Variants in NKD2 observed in about 807,000 individuals in gnomAD.
The protein encoded by NKD2 is NKD inhibitor of Wnt signaling pathway 2, also known as protein naked cuticle homolog 2.
In NKD2, 43 loss-of-function variants were observed where a neutral mutation model predicts 34.8. The ratio of observed to expected loss-of-function variants is 1.24; its 90% CI spans 0.97 to 1.60. The LOEUF (loss-of-function observed/expected upper bound fraction) is 1.60, where lower values mean the gene tolerates loss of function less well. NKD2 is among the 40% of genes most tolerant of loss of function. The probability of loss-of-function intolerance (pLI) is 0.00; values close to 1 mark genes in which losing one functional copy is unlikely to be tolerated. For missense variants in NKD2, 675 were observed against 627.1 expected, an observed-to-expected ratio of 1.08 and a Z score of -0.82; for synonymous variants, 278 against 265.1, an observed-to-expected ratio of 1.05 and a Z score of -0.47.
intron 3 of NKD2, among the ~76,000 whole-genome samples, chr5:1,028,721 G>A (rs1354851993): frequency 6.6e-6 from 1 of 152,110 alleles, no homozygotes; most frequent in African/African-American, 2.4e-5. Context: ...GGACAGGAAG[G>A]GGGGCGGAAC....
At chr5:1,037,694 C>T (rs775867674) in intron 9 of NKD2, 111 bp from the exon 10 acceptor site, 2 of 1,540,120 alleles carry the variant, frequency 1.3e-6, no homozygotes, top group Non-Finnish European at 1.7e-6. Context: ...ACAGACTGGC[C>T]TCAGGTGGGA....
Position 1,036,437 on chromosome 5 carries a change from G to A in NKD2, c.787+53G>A, listed in dbSNP as rs937689875. The A allele has an allele frequency of 1.7e-5, 26 of 1,526,912 alleles. No individual in the cohort carries two copies. In the African/African-American group the frequency reaches 2.5e-4, roughly 14 times the overall value. The allele number at this position is 1,526,912 out of a possible 1,614,324, so 94.6% of individuals were successfully genotyped here. A position where few individuals can be genotyped will look rare whatever the true frequency, so the allele number is the denominator to read the frequency against. On this transcript the variant is annotated intron_variant, in intron 9 of 9. Transcript: ENST00000296849. ...GAGGCCCTGGCTGTGGGTGCCCATC[G>A]AAGGTCTTGATTCCCACAGCCCTGA...
chr5:1,030,019 G>GGC (rs1016165891), intron 3 of NKD2, among the ~76,000 whole-genome samples: 3 of 150,598 alleles, frequency 2.0e-5, no homozygotes, highest in African/African-American at 7.4e-5. Context: ...GTGGTGCGGG[G>GGC]GGGGGGGTAC....
intron 7 of NKD2, 91 bp from the exon 8 acceptor site, chr5:1,035,298 A>ATGAGTGAGTGAGTGAGTGAATGAATGAG (rs369511358): frequency 1.0e-6 from 1 of 980,570 alleles, no homozygotes; most frequent in African/African-American, 1.9e-5. Flanking sequence ...GAATGAATGA[A>ATGAGTGAGTGAGTGAGTGAATGAATGAG]TGAGTGAGTG....
At chr5:1,017,493 C>T (rs192833430) in intron 3 of NKD2, among the ~76,000 whole-genome samples, 7 of 152,386 alleles carry the variant, frequency 4.6e-5, no homozygotes, top group Admixed American at 2.6e-4. Flanking sequence ...TGTAGGCTTC[C>T]AGCCGTGGGA....
In NKD2 at chr5:1,021,967, C is replaced by T. The variant is rs536188090; in HGVS notation, c.142-10185C>T. 5.6e-4 allele frequency among the ~76,000 whole-genome samples: 85 copies of T among 152,310 alleles called. 1 individual carries two copies. The highest frequency in any genetic ancestry group is 1.9e-3 in the African/African-American group (77 of 41,560). On this transcript the variant is annotated intron_variant, in intron 3 of 9. Transcript: ENST00000296849. ...CCCCAGGGCCGCCTGCAGCCTGCTGCGACCAACCCCTGGCCTCCTTCCCTG... is the reference window on the plus strand; with the variant it reads ...CCCCAGGGCCGCCTGCAGCCTGCTGTGACCAACCCCTGGCCTCCTTCCCTG...
At position 1,035,452 on chromosome 5, in the gene NKD2, G is replaced by A; in HGVS notation, c.638G>A (p.Arg213Lys). ...GCAGAGGAGCCAAGGGTGGCTGACA[G>A]GAGGTTGTCTGCACACGTCAGGTGA... is the stretch of plus-strand genomic sequence containing the variant. Reference protein sequence around the residue: ...ELAEEPRVADRRLSAHVRRPS... With the variant: ...ELAEEPRVADKRLSAHVRRPS... The change falls in exon 8 of 10, where the codon AGG becomes AAG. Residue 213 changes from arginine to lysine, a missense_variant. By Grantham distance (26) the Arg-to-Lys change is conservative. Transcript: ENST00000296849. 6.4e-7 allele frequency: 1 copy of A among 1,556,852 alleles called. No individual in the cohort carries two copies. Among genetic ancestry groups the A allele is most frequent in the Non-Finnish European group, 8.7e-7 (1 of 1,150,220 alleles).
chr5:1,036,919 G>A (rs1023846485), intron 9 of NKD2: 2 of 410,382 alleles, frequency 4.9e-6, no homozygotes, highest in Admixed American at 5.2e-5. Context: ...CAGGCAGTGT[G>A]GACGGCGGGC....
intron 5 of NKD2, 21 bp downstream of exon 5, chr5:1,033,520 A>C: frequency 3.3e-6 from 5 of 1,535,266 alleles, no homozygotes; most frequent in Non-Finnish European, 4.4e-6. Context: ...CTCCGGCCTC[A>C]CTTGCGGGAA....
chr5:1,033,752 C>T (rs1400712570), intron 5 of NKD2, among the ~76,000 whole-genome samples: 2 of 152,202 alleles, frequency 1.3e-5, no homozygotes, highest in East Asian at 3.8e-4. Context: ...TAACTTGAGC[C>T]GCATTCCCAG....
intron 5 of NKD2, among the ~76,000 whole-genome samples, chr5:1,033,850 G>T (rs1356749235): frequency 6.6e-6 from 1 of 152,224 alleles, no homozygotes; most frequent in African/African-American, 2.4e-5. Context: ...AGGGCACAGG[G>T]CTTCCGTTTC....
At chr5:1,030,856 C>T (rs1226535971) in intron 3 of NKD2, among the ~76,000 whole-genome samples, 1 of 152,218 alleles carries the variant, frequency 6.6e-6, no homozygotes, top group Non-Finnish European at 1.5e-5. Flanking sequence ...CCTGGGCGGC[C>T]AGCAGGAGAC....
chr5:1,022,641 T>A (rs78362377), intron 3 of NKD2, among the ~76,000 whole-genome samples: 281 of 14,410 alleles, frequency 0.02, 4 homozygotes, highest in Middle Eastern at 0.056. Flanking sequence ...GTCCCAGCCC[T>A]TTGTCCCTGC....
intron 3 of NKD2, 137 bp from the exon 4 acceptor site, chr5:1,032,015 C>G: frequency 1.4e-6 from 1 of 694,140 alleles, no homozygotes; most frequent in South Asian, 1.7e-5. Context: ...GTTGGTGTTT[C>G]TGGACCCAGA....
Position 1,008,895 on chromosome 5 carries a change from C to A in NKD2, c.-163C>A. On this transcript the variant is annotated 5_prime_UTR_variant, in exon 1 of 10. Coordinates refer to ENST00000296849, the MANE Select transcript of NKD2 (RefSeq NM_033120.4). ...CGCCCCGCGGCCGTACCTGGCGCCCCCTGGCTCCCCCGGCCCCCGCGCGGC... is the reference window on the plus strand; with the variant it reads ...CGCCCCGCGGCCGTACCTGGCGCCCACTGGCTCCCCCGGCCCCCGCGCGGC... 1 of 373,832 alleles carries A rather than the reference C, an allele frequency of 2.7e-6. No individual in the cohort carries two copies. Among genetic ancestry groups the A allele is most frequent in the South Asian group, 1.4e-4 (1 of 7,164 alleles). 23.2% of individuals were successfully genotyped at this position (373,832 alleles called of 1,614,324 possible).
intron 3 of NKD2, among the ~76,000 whole-genome samples, chr5:1,028,149 T>A (rs1288734803): frequency 6.6e-6 from 1 of 151,414 alleles, no homozygotes; most frequent in Admixed American, 6.6e-5. Context: ...GGGGGCTGGG[T>A]GCTGGGAGGA....
chr5:1,029,905 C>T (rs765364664), intron 3 of NKD2, among the ~76,000 whole-genome samples: 1 of 152,066 alleles, frequency 6.6e-6, no homozygotes. Context: ...CAGGGCACCT[C>T]ACTGCTATCT....
chr5:1,030,528 C>G (rs1022463004), intron 3 of NKD2, among the ~76,000 whole-genome samples: 1 of 139,916 alleles, frequency 7.1e-6, no homozygotes, highest in Admixed American at 6.9e-5. Flanking sequence ...TGCAGCCTCA[C>G]CCATTATTCT....
rs193082617 is a variant in NKD2, at chr5:1,033,865, G to A, written c.330+366G>A. On this transcript the variant is annotated intron_variant, in intron 5 of 9. Coordinates refer to ENST00000296849, the MANE Select transcript of NKD2 (RefSeq NM_033120.4). ...AGGGCACAGGGCTTCCGTTTCCCGG[G>A]AGGGCTCAGGGAGGACTGGGGTCTC... is the stretch of plus-strand genomic sequence containing the variant. Among the ~76,000 whole-genome samples the A allele has an allele frequency of 4.5e-3, 687 of 152,352 alleles. 32 individuals carry two copies. Among genetic ancestry groups the A allele is most frequent in the Admixed American group, 0.041 (629 of 15,310 alleles).
Sources: allele counts gnomAD v4.1 joint callset (sites outside exome capture counted in the v4.1 genomes callset), GRCh38; gene constraint gnomAD v4.1.1; transcripts MANE v1.5; gene names NCBI Gene and HGNC (gene_info 2026-07-23, HGNC 2026-07-21).